ARHGEF28: variants seen among roughly 807,000 people sequenced by gnomAD.
ARHGEF28 encodes the protein 190 kDa guanine nucleotide exchange factor.
In ARHGEF28, 152 loss-of-function variants were observed where a neutral mutation model predicts 206.6. The observed-to-expected ratio is 0.74, with a 90% CI of 0.64 to 0.84. The LOEUF is 0.84. Ranked by LOEUF, ARHGEF28 falls within the 40% of genes least tolerant of loss-of-function variation. ARHGEF28 has a pLI of 0.00. For missense variants in ARHGEF28, 2,028 were observed against 2,073.2 expected (o/e 0.98, Z 0.42); for synonymous variants, 763 against 776.4 (o/e 0.98, Z 0.29).
chr5:73,740,712 T>A (rs1431257314), intron 2 of ARHGEF28, among the ~76,000 whole-genome samples: 3 of 152,250 alleles, frequency 2.0e-5, no homozygotes, highest in Non-Finnish European at 4.4e-5. Flanking sequence ...TTTGGCATCC[T>A]TGTCCTTTTC....
chr5:73,744,049 T>C (rs1323371309), intron 2 of ARHGEF28, among the ~76,000 whole-genome samples: 2 of 152,044 alleles, frequency 1.3e-5, no homozygotes, highest in African/African-American at 4.8e-5. Flanking sequence ...TAATAATACC[T>C]CCCAGGTATT....
chr5:73,848,852 CA>C, intron 12 of ARHGEF28, 123 bp from the exon 13 acceptor site: 1 of 685,722 alleles, frequency 1.5e-6, no homozygotes, highest in Non-Finnish European at 2.4e-6. Context: ...ATAATGAGAT[CA>C]TATCAGAAAT....
At chr5:73,690,522 T>C (rs1201202979) in intron 2 of ARHGEF28, among the ~76,000 whole-genome samples, 1 of 109,502 alleles carries the variant, frequency 9.1e-6, no homozygotes, top group Non-Finnish European at 1.7e-5. Flanking sequence ...GACTCTGTCT[T>C]TACAAAAAAA....
chr5:73,748,548 A>C lies in ARHGEF28; in HGVS notation c.34-1289A>C, dbSNP rs146686599. On this transcript the variant is annotated intron_variant, in intron 2 of 35. Coordinates refer to ENST00000513042, the MANE Select transcript of ARHGEF28 (RefSeq NM_001177693.2). ...TTGGCTTAACTCTTAGTGTCCTGTG[A>C]AATATCTTGCTAATATTTGTCAGAG... 1.2e-3 allele frequency among the ~76,000 whole-genome samples: 185 copies of C among 152,330 alleles called. 1 individual carries two copies. The highest frequency in any genetic ancestry group is 4.2e-3 in the African/African-American group (175 of 41,568).
chr5:73,783,028 A>G (rs929380018), intron 7 of ARHGEF28, among the ~76,000 whole-genome samples: 4 of 152,096 alleles, frequency 2.6e-5, no homozygotes, highest in African/African-American at 9.7e-5. Context: ...TCTACCTTCA[A>G]ATTAATTTAG....
rs1409486695 is a variant in ARHGEF28, at chr5:73,868,082, C to T, written c.2298-18C>T. 5 of 1,612,808 alleles carry T rather than the reference C, an allele frequency of 3.1e-6. No homozygotes were observed. Among genetic ancestry groups the T allele is most frequent in the Admixed American group, 1.7e-5 (1 of 59,892 alleles). ...GAGAGCTTCTGGGGCTAACTTTGCT[C>T]CCCTCCCTCTCTCCTAGCTTCAGGA... On this transcript the variant is annotated intron_variant, in intron 19 of 35. Coordinates refer to ENST00000513042, the MANE Select transcript of ARHGEF28 (RefSeq NM_001177693.2).
At chr5:73,852,494 G>A (rs1390482694) in intron 13 of ARHGEF28, among the ~76,000 whole-genome samples, 156 bp from the exon 14 acceptor site, 1 of 151,998 alleles carries the variant, frequency 6.6e-6, no homozygotes, top group African/African-American at 2.4e-5. Flanking sequence ...AAAATCCAGA[G>A]CAATGCCTTA....
chr5:73,794,572 T>C (rs2112485814), intron 8 of ARHGEF28, 118 bp downstream of exon 8: 1 of 844,900 alleles, frequency 1.2e-6, no homozygotes, highest in Non-Finnish European at 1.8e-6. Flanking sequence ...CCAAGTCACT[T>C]TCAGAATAAT....
intron 2 of ARHGEF28, among the ~76,000 whole-genome samples, chr5:73,717,784 A>G (rs971272338): frequency 6.6e-6 from 1 of 152,148 alleles, no homozygotes; most frequent in Non-Finnish European, 1.5e-5. Flanking sequence ...TAAGTTTATT[A>G]TTGTATCAAT....
At chr5:73,771,960 T>G (rs898679319) in intron 4 of ARHGEF28, among the ~76,000 whole-genome samples, 7 of 152,224 alleles carry the variant, frequency 4.6e-5, no homozygotes, top group Middle Eastern at 3.2e-3. Flanking sequence ...AATGTTATTT[T>G]ACTGAGGGGA....
intron 23 of ARHGEF28, among the ~76,000 whole-genome samples, chr5:73,882,813 G>T (rs770852734): frequency 1.2e-4 from 18 of 152,082 alleles, no homozygotes; most frequent in Admixed American, 1.3e-4. Context: ...GTGAGGTCAT[G>T]TCTTCCAACC....
intron 35 of ARHGEF28, among the ~76,000 whole-genome samples, chr5:73,933,396 TATCTTTC>T (rs1764242834): frequency 6.6e-6 from 1 of 152,238 alleles, no homozygotes; most frequent in Non-Finnish European, 1.5e-5. Context: ...ACAATTTGTG[TATCTTTC>T]TAAATAGATA....
intron 7 of ARHGEF28, among the ~76,000 whole-genome samples, chr5:73,781,347 G>A (rs992340827): frequency 6.6e-6 from 1 of 152,132 alleles, no homozygotes; most frequent in East Asian, 1.9e-4. Context: ...GTTCATAAAA[G>A]AAGATATATT....
chr5:73,729,050 T>C (rs1342190407), intron 2 of ARHGEF28, among the ~76,000 whole-genome samples: 1 of 152,178 alleles, frequency 6.6e-6, no homozygotes, highest in Non-Finnish European at 1.5e-5. Flanking sequence ...CTAGAGGCAA[T>C]TCTTGGCTTC....
At chr5:73,703,038 A>G (rs1748694478) in intron 2 of ARHGEF28, among the ~76,000 whole-genome samples, 1 of 152,226 alleles carries the variant, frequency 6.6e-6, no homozygotes, top group Non-Finnish European at 1.5e-5. Context: ...ATAACAATAG[A>G]TTAATCTAAA....
At chr5:73,761,135 C>T (rs1214967490) in intron 4 of ARHGEF28, among the ~76,000 whole-genome samples, 1 of 152,158 alleles carries the variant, frequency 6.6e-6, no homozygotes, top group Non-Finnish European at 1.5e-5. Context: ...CCTGGCTTAC[C>T]TCCTCTGGGG....
intron 30 of ARHGEF28, chr5:73,898,410 A>T (rs1022759192): frequency 1.7e-5 from 3 of 173,348 alleles, no homozygotes; most frequent in African/African-American, 7.1e-5. Context: ...TACAGTTTTG[A>T]AAGAACTTTT....
intron 21 of ARHGEF28, among the ~76,000 whole-genome samples, chr5:73,872,394 A>G (rs191719084): frequency 1.4e-3 from 206 of 152,260 alleles, no homozygotes; most frequent in African/African-American, 4.4e-3. Context: ...CAAGTTCCTT[A>G]TCAGATAAAT....
intron 2 of ARHGEF28, among the ~76,000 whole-genome samples, chr5:73,688,955 A>G (rs537832693): frequency 2.0e-5 from 3 of 152,314 alleles, no homozygotes; most frequent in Non-Finnish European, 2.9e-5. Context: ...CACCAGGCCA[A>G]TAATGTTTAT....
Sources: gnomAD v4.1 joint callset for allele counts (sites outside exome capture counted in the v4.1 genomes callset) on GRCh38, gnomAD v4.1.1 for gene constraint, MANE v1.5 for transcripts, NCBI Gene and HGNC (gene_info 2026-07-23, HGNC 2026-07-21) for gene names.